The following SUGP1 variants were observed in gnomAD, a reference collection of about 807,000 sequenced individuals.
SUGP1 encodes SURP and G-patch domain-containing protein 1.
SUGP1 carries 34 observed loss-of-function variants against 76.5 expected under a neutral mutation model. The observed-to-expected ratio is 0.44, with a 90% CI of 0.34 to 0.59. The LOEUF (loss-of-function observed/expected upper bound fraction) is 0.59, where lower values mean the gene tolerates loss of function less well. SUGP1 is among the 20% of genes least tolerant of loss of function. The pLI, the probability that SUGP1 is intolerant of heterozygous loss-of-function variation, is 0.01. For missense variants in SUGP1, 752 were observed against 851.7 expected (o/e 0.88, Z 1.46); for synonymous variants, 326 against 326.2 (o/e 1.00, Z 0.01).
intron 1 of SUGP1, among the ~76,000 whole-genome samples, chr19:19,319,147 G>A (rs1166089486): frequency 1.3e-5 from 2 of 152,122 alleles, no homozygotes; most frequent in African/African-American, 4.8e-5. Flanking sequence ...GCTTGAACCC[G>A]GGAGGTAGAG....
Position 19,316,443 on chromosome 19 carries a change from G to A in SUGP1, c.185C>T (p.Pro62Leu). The A allele has an allele frequency of 6.2e-7, 1 of 1,613,960 alleles. No individual in the cohort carries two copies. The highest frequency in any genetic ancestry group is 1.1e-5 in the South Asian group (1 of 91,084). ...QKAKQNQVAS[P>L]QPPHPGEITN... is the part of the protein sequence containing the mutation. ...TTACTCGCCAGGATGTGGGGGCTGA[G>A]GGCTGGCCACCTGATTCTGCTTGGC... Residue 62 changes from proline to leucine, a missense_variant, in exon 2 of 14, where the codon CCT (proline) becomes CTT (leucine). Physicochemically the swap from Pro to Leu is moderately conservative, Grantham distance 98. Around this residue, in one of 2 missense-constraint regions of SUGP1, gnomAD observed 620 missense variants for 617.3 expected, o/e 1.00. Transcript: ENST00000247001.
rs561968040 is a variant in SUGP1 at position 19,293,083 on chromosome 19, T to A, written c.1243+3906A>T. ...CACCACACCCAGCTAATTTTTGAAT[T>A]TTTTTTGGTAGAGACGGGGTTTCAC... On this transcript the variant is annotated intron_variant, in intron 8 of 13. Transcript: ENST00000247001. 2.0e-5 allele frequency among the ~76,000 whole-genome samples: 3 copies of A among 151,752 alleles called. No homozygotes were observed. The South Asian group carries it at 6.3e-4, about 32-fold the overall frequency.
chr19:19,311,846 C>T (rs2061355607), intron 2 of SUGP1, among the ~76,000 whole-genome samples: 2 of 152,012 alleles, frequency 1.3e-5, no homozygotes, highest in South Asian at 4.2e-4. Flanking sequence ...AGCATGGTGG[C>T]TCATCCCTGT....
At chr19:19,311,052 TA>T (rs2061349397) in intron 2 of SUGP1, among the ~76,000 whole-genome samples, 1 of 144,488 alleles carries the variant, frequency 6.9e-6, no homozygotes, top group African/African-American at 2.7e-5. Context: ...GCTAATTTTT[TA>T]ATTTTTTTTT....
chr19:19,306,500 G>C (rs2061318970), intron 3 of SUGP1, among the ~76,000 whole-genome samples: 1 of 152,222 alleles, frequency 6.6e-6, no homozygotes, highest in Non-Finnish European at 1.5e-5. Context: ...ACACCTGATG[G>C]GGAAGGGACT....
intron 1 of SUGP1, among the ~76,000 whole-genome samples, 154 bp downstream of exon 1, chr19:19,320,309 G>C (rs1301544139): frequency 6.6e-6 from 1 of 152,204 alleles, no homozygotes; most frequent in African/African-American, 2.4e-5. Flanking sequence ...CTGGGGTCTC[G>C]AGAAACCAAG....
In SUGP1 at chr19:19,303,236, C is replaced by T. The variant is rs908699926; in HGVS notation, c.763+112G>A. The T allele has an allele frequency of 9.2e-6, 8 of 867,890 alleles. No homozygotes were observed. In the Admixed American group the frequency reaches 1.6e-4, roughly 17 times the overall value. 53.8% of individuals were successfully genotyped at this position (867,890 alleles called of 1,614,324 possible). On this transcript the variant is annotated intron_variant, in intron 6 of 13. Coordinates refer to ENST00000247001, the MANE Select transcript of SUGP1 (RefSeq NM_172231.4). ...ATGCCTGGGAGAATACAGGCCTCAA[C>T]CACCGGTGCCACACAGTGCCACTCC...
chr19:19,293,278 A>G (rs2146604803), intron 8 of SUGP1, among the ~76,000 whole-genome samples: 1 of 151,948 alleles, frequency 6.6e-6, no homozygotes, highest in South Asian at 2.1e-4. Context: ...ACGCTCAATA[A>G]ACTAGGAACA....
Position 19,276,670 on chromosome 19 carries a change from T to C in SUGP1, c.1916A>G (p.Asn639Ser). 6.2e-7 allele frequency: 1 copy of C among 1,614,126 alleles called. No homozygotes were observed. The highest frequency in any genetic ancestry group is 1.7e-5 in the Admixed American group (1 of 60,016). Residue 639 changes from asparagine (N) to serine (S), a missense_variant, in exon 14 of 14, where the codon AAT becomes AGT. Asn to Ser is a conservative substitution (Grantham distance 46). Coordinates refer to ENST00000247001, the MANE Select transcript of SUGP1 (RefSeq NM_172231.4). The stretch of plus-strand genomic sequence containing the variant: ...CACTCAGTAGTAAGGCCGTCTGGGA[T>C]TGTTCTGTGGAAGGCAAAACAGATA... ...AYRFRPNPLN[N>S]PRRPYY
intron 12 of SUGP1, 118 bp from the exon 13 acceptor site, chr19:19,277,194 C>A: frequency 8.2e-7 from 1 of 1,216,014 alleles, no homozygotes; most frequent in South Asian, 1.4e-5. Flanking sequence ...TGGGACATAT[C>A]TGCACAGAGA....
chr19:19,285,181 T>C (rs1011360763), intron 8 of SUGP1, among the ~76,000 whole-genome samples: 5 of 151,778 alleles, frequency 3.3e-5, no homozygotes, highest in Non-Finnish European at 5.9e-5. Context: ...ACAGGTTTAT[T>C]TTGAAATGGA....
intron 9 of SUGP1, 104 bp from the exon 10 acceptor site, chr19:19,279,494 G>T: frequency 7.7e-7 from 1 of 1,293,766 alleles, no homozygotes; most frequent in Non-Finnish European, 1.1e-6. Flanking sequence ...GCCGGAACGT[G>T]GCTCATCTGG....
rs775713772 is a variant in SUGP1 at position 19,305,943 on chromosome 19, G to T, written c.444C>A (p.His148Gln). ...GGTGCGCCACGGGCAGCTGCTTGGC[G>T]TGGGAGTAGCTCTTCACAGGGCCCG... Reference protein sequence around the residue: ...SLPGPVKSYSHAKQLPVAHRP... With the variant: ...SLPGPVKSYSQAKQLPVAHRP... The change falls in exon 4 of 14, where the codon CAC becomes CAA. Residue 148 changes from histidine (H) to glutamine (Q), a missense_variant. Coordinates refer to ENST00000247001, the MANE Select transcript of SUGP1 (RefSeq NM_172231.4). 2 of 1,613,138 alleles carry T rather than the reference G, an allele frequency of 1.2e-6. No homozygotes were observed. Among genetic ancestry groups the T allele is most frequent in the Admixed American group, 3.3e-5 (2 of 59,996 alleles).
chr19:19,277,965 A>G, intron 11 of SUGP1, 86 bp from the exon 12 acceptor site: 1 of 1,542,976 alleles, frequency 6.5e-7, no homozygotes, highest in Non-Finnish European at 8.8e-7. Flanking sequence ...GGTTTCAATC[A>G]GTGCTGGGAC....
At chr19:19,281,610 TC>T (rs1268028646) in intron 8 of SUGP1, 1 of 151,884 alleles carries the variant, frequency 6.6e-6, no homozygotes, top group Admixed American at 6.6e-5. Flanking sequence ...CCTTTTGGGG[TC>T]CTGTCCTCAT....
chr19:19,296,968 AG>A lies in SUGP1; in HGVS notation c.1243+20del. ...GAAGTCAGACCCTTCCAACACAGGG[AG>A]GGGGAGAGGGTCTGCCCACCTGACA... On this transcript the variant is annotated intron_variant, in intron 8 of 13. Coordinates refer to ENST00000247001, the MANE Select transcript of SUGP1 (RefSeq NM_172231.4). The A allele has an allele frequency of 2.0e-6, 3 of 1,536,700 alleles. No homozygotes were observed. Among genetic ancestry groups the A allele is most frequent in the Non-Finnish European group, 1.8e-6 (2 of 1,133,650 alleles).
At chr19:19,298,737 C>G (rs765561323) in intron 7 of SUGP1, among the ~76,000 whole-genome samples, 2 of 152,162 alleles carry the variant, frequency 1.3e-5, no homozygotes, top group African/African-American at 4.8e-5. Flanking sequence ...AACAGTTGGT[C>G]AGATTTGGAA....
At chr19:19,320,423 G>C (rs201344446) in intron 1 of SUGP1, 40 bp downstream of exon 1, 1 of 1,604,510 alleles carries the variant, frequency 6.2e-7, no homozygotes, top group Admixed American at 1.7e-5. Flanking sequence ...CTAGCCCCAG[G>C]GACCCAGGCG....
intron 3 of SUGP1, among the ~76,000 whole-genome samples, chr19:19,308,905 C>T (rs1376706107): frequency 6.6e-6 from 1 of 151,798 alleles, no homozygotes; most frequent in African/African-American, 2.4e-5. Flanking sequence ...TCGCTCTTGT[C>T]CCCCAGGCTG....
Sources: gnomAD v4.1 joint callset for allele counts (sites outside exome capture counted in the v4.1 genomes callset) on GRCh38, gnomAD v4.1.1 for gene constraint, gnomAD v4.1.1 regional missense constraint, MANE v1.5 for transcripts, NCBI Gene and HGNC (gene_info 2026-07-23, HGNC 2026-07-21) for gene names.